The following EXOC6B variants were observed in gnomAD, a reference collection of about 807,000 sequenced individuals.
The protein encoded by EXOC6B is SEC15 homolog B.
A neutral mutation model predicts 113.5 loss-of-function variants in EXOC6B; 54 were observed. That is an observed-to-expected ratio of 0.48 (90% CI 0.38 to 0.60). The LOEUF (loss-of-function observed/expected upper bound fraction) is 0.60, where lower values mean the gene tolerates loss of function less well. Ranked by LOEUF, EXOC6B falls within the 20% of genes least tolerant of loss-of-function variation. The pLI, the probability that EXOC6B is intolerant of heterozygous loss-of-function variation, is 0.00. For missense variants in EXOC6B, 797 were observed against 977.5 expected (o/e 0.82, Z 2.46); for synonymous variants, 357 against 339.0 (o/e 1.05, Z -0.58).
intron 6 of EXOC6B, among the ~76,000 whole-genome samples, chr2:72,579,184 TAAG>T (rs914374298): frequency 2.0e-5 from 3 of 152,006 alleles, no homozygotes; most frequent in African/African-American, 7.2e-5. Context: ...AAGAAGGAAA[TAAG>T]AATAACTACA....
chr2:72,182,711 G>A (rs144607457), intron 21 of EXOC6B, among the ~76,000 whole-genome samples: 1 of 152,162 alleles, frequency 6.6e-6, no homozygotes, highest in East Asian at 1.9e-4. Context: ...AAGGGTCACT[G>A]TAAGGGCCAA....
At position 72,665,734 on chromosome 2, in the gene EXOC6B, C is replaced by T. The variant is rs958485985; in HGVS notation, c.669+52369G>A. Among the ~76,000 whole-genome samples the T allele has an allele frequency of 5.9e-5, 9 of 152,114 alleles. No individual in the cohort carries two copies. The East Asian group carries it at 1.7e-3, about 29-fold the overall frequency. ...GAAATGAAAGAATTATACTGACTGC[C>T]ACAAAAACACACCTAAATACGTAGC... On this transcript the variant is annotated intron_variant, in intron 6 of 21. Transcript: ENST00000272427.
At chr2:72,657,078 C>A (rs200652586) in intron 6 of EXOC6B, among the ~76,000 whole-genome samples, 1 of 151,898 alleles carries the variant, frequency 6.6e-6, no homozygotes, top group Non-Finnish European at 1.5e-5. Context: ...CTTGAACTCC[C>A]GACCTCAGGT....
At position 72,457,254 on chromosome 2, in the gene EXOC6B, C is replaced by A. The variant is rs901830638; in HGVS notation, c.1980+7906G>T. On this transcript the variant is annotated intron_variant, in intron 18 of 21. Transcript: ENST00000272427. ...CACTAGCAGCATAATTTGGTTAGGTCGGAGATGGCAGCAATTCCTGGAAAT... is the reference window on the plus strand; with the variant it reads ...CACTAGCAGCATAATTTGGTTAGGTAGGAGATGGCAGCAATTCCTGGAAAT... Among the ~76,000 whole-genome samples the A allele has an allele frequency of 4.6e-5, 7 of 151,934 alleles. No individual in the cohort carries two copies. The South Asian group carries it at 6.2e-4, about 13-fold the overall frequency.
At chr2:72,713,744 G>GA (rs1679418422) in intron 6 of EXOC6B, among the ~76,000 whole-genome samples, 1 of 152,088 alleles carries the variant, frequency 6.6e-6, no homozygotes, top group Non-Finnish European at 1.5e-5. Flanking sequence ...TAGTAAATTA[G>GA]AAGGCAAACA....
intron 20 of EXOC6B, among the ~76,000 whole-genome samples, chr2:72,268,241 G>C (rs13387630): frequency 0.12 from 18,175 of 151,978 alleles, 1,338 homozygotes; most frequent in Admixed American, 0.16. Flanking sequence ...CTCCCGAGTA[G>C]CTGGGACTAC....
At chr2:72,649,267 G>T (rs1367436846) in intron 6 of EXOC6B, among the ~76,000 whole-genome samples, 2 of 152,112 alleles carry the variant, frequency 1.3e-5, no homozygotes, top group African/African-American at 4.8e-5. Flanking sequence ...TAGATAGAAT[G>T]AATAAAATAT....
chr2:72,746,958 A>T (rs939980893), intron 1 of EXOC6B, among the ~76,000 whole-genome samples: 1 of 152,058 alleles, frequency 6.6e-6, no homozygotes, highest in African/African-American at 2.4e-5. Flanking sequence ...AAATGCCTTA[A>T]TCAAAATTAA....
chr2:72,649,930 T>C (rs1369279390), intron 6 of EXOC6B, among the ~76,000 whole-genome samples: 3 of 152,058 alleles, frequency 2.0e-5, no homozygotes, highest in Admixed American at 1.3e-4. Flanking sequence ...TAATCATAGA[T>C]ATAAATGTAA....
chr2:72,184,142 C>T lies in EXOC6B; in HGVS notation c.2242G>A (p.Asp748Asn). ...IQWDWSTYLA[D>N]YGQPNCKYLR... is the part of the protein sequence containing the mutation. ...TACTTGCAGTTGGGCTGACCATAGTCAGCAAGGTAGGTTGACCAATCCCAC... is the reference window on the plus strand; with the variant it reads ...TACTTGCAGTTGGGCTGACCATAGTTAGCAAGGTAGGTTGACCAATCCCAC... The change falls in exon 21 of 22, where the codon GAC becomes AAC. Residue 748 changes from aspartate to asparagine, a missense_variant. Physicochemically the swap from Asp to Asn is conservative, Grantham distance 23 (BLOSUM62 1). Transcript: ENST00000272427. 3 of 1,563,210 alleles carry T rather than the reference C, an allele frequency of 1.9e-6. No individual in the cohort carries two copies. The highest frequency in any genetic ancestry group is 2.6e-6 in the Non-Finnish European group (3 of 1,153,112).
intron 1 of EXOC6B, among the ~76,000 whole-genome samples, chr2:72,783,077 T>C (rs901910085): frequency 2.0e-5 from 3 of 152,162 alleles, no homozygotes; most frequent in African/African-American, 7.2e-5. Flanking sequence ...GTTCTATTTT[T>C]GAGAAACCTC....
At chr2:72,781,663 G>A (rs1227176533) in intron 1 of EXOC6B, among the ~76,000 whole-genome samples, 2 of 152,088 alleles carry the variant, frequency 1.3e-5, no homozygotes, top group South Asian at 2.1e-4. Context: ...CCAGAGCACT[G>A]CAGGTCACTG....
chr2:72,640,688 A>T (rs1238049925), intron 6 of EXOC6B, among the ~76,000 whole-genome samples: 3 of 152,192 alleles, frequency 2.0e-5, no homozygotes, highest in Non-Finnish European at 4.4e-5. Flanking sequence ...GCCAGAAGAG[A>T]TTCTTCTTAA....
intron 21 of EXOC6B, among the ~76,000 whole-genome samples, chr2:72,179,715 C>G (rs1197720499): frequency 6.6e-6 from 1 of 152,040 alleles, no homozygotes; most frequent in African/African-American, 2.4e-5. Context: ...ATCTCCCTAC[C>G]CCTTATACCT....
At chr2:72,537,469 A>C (rs903867818) in intron 8 of EXOC6B, among the ~76,000 whole-genome samples, 22 of 150,152 alleles carry the variant, frequency 1.5e-4, no homozygotes, top group East Asian at 3.9e-4. Context: ...AAAAAAAAAA[A>C]CCCCACAAAC....
chr2:72,312,036 A>C (rs1304520817), intron 20 of EXOC6B, among the ~76,000 whole-genome samples: 1 of 152,234 alleles, frequency 6.6e-6, no homozygotes, highest in Non-Finnish European at 1.5e-5. Flanking sequence ...GTGACCACAC[A>C]AATTTGAATT....
At chr2:72,500,761 T>G (rs1573267272) in intron 11 of EXOC6B, among the ~76,000 whole-genome samples, 1 of 152,356 alleles carries the variant, frequency 6.6e-6, no homozygotes, top group Admixed American at 6.5e-5. Flanking sequence ...TTGTAAAAAT[T>G]CATTGATTTT....
At chr2:72,415,758 G>A (rs1433598467) in intron 18 of EXOC6B, among the ~76,000 whole-genome samples, 2 of 152,094 alleles carry the variant, frequency 1.3e-5, no homozygotes, top group Non-Finnish European at 2.9e-5. Context: ...AAGCGATTAT[G>A]ATCATGGTAC....
chr2:72,242,974 A>G (rs944939166), intron 20 of EXOC6B, among the ~76,000 whole-genome samples: 1 of 152,094 alleles, frequency 6.6e-6, no homozygotes, highest in Admixed American at 6.6e-5. Context: ...GGCTTAAGAG[A>G]TCCTCCTTTT....
Sources: gnomAD v4.1 joint callset for allele counts (sites outside exome capture counted in the v4.1 genomes callset) on GRCh38, gnomAD v4.1.1 for gene constraint, MANE v1.5 for transcripts, NCBI Gene and HGNC (gene_info 2026-07-23, HGNC 2026-07-21) for gene names.